The following RC3H1 variants were observed in gnomAD, a reference collection of about 807,000 sequenced individuals.
RC3H1 encodes the protein ring finger and CCCH-type domains 1.
A neutral mutation model predicts 138.2 loss-of-function variants in RC3H1; 50 were observed. The observed-to-expected ratio is 0.36, with a 90% CI of 0.29 to 0.46. The LOEUF (loss-of-function observed/expected upper bound fraction) is 0.46, where lower values mean the gene tolerates loss of function less well. Among genes scored for constraint, RC3H1 ranks in the 20% least tolerant of loss-of-function variants. RC3H1 has a pLI of 1.00. For synonymous variants in RC3H1, 462 were observed against 489.1 expected, an observed-to-expected ratio of 0.94 and a Z score of 0.73; for missense variants, 1,031 against 1,388.1, an observed-to-expected ratio of 0.74 and a Z score of 4.09.
In RC3H1 at chr1:173,957,652, C is replaced by T. The variant is rs532741796; in HGVS notation, c.2370+3425G>A. On this transcript the variant is annotated intron_variant, in intron 13 of 19. Transcript: ENST00000367696. ...ATAGCACGGACCTCCCAGGTTCAAG[C>T]GATCCTCTCGATCTTCCCACCTCAG... 3.9e-5 allele frequency among the ~76,000 whole-genome samples: 6 copies of T among 152,084 alleles called. No individual in the cohort carries two copies. In the East Asian group the frequency reaches 5.8e-4, roughly 15 times the overall value.
intron 2 of RC3H1, among the ~76,000 whole-genome samples, chr1:173,987,489 GTGTGTTTTGAATACTTCTCTATA>G (rs1661077518): frequency 6.6e-6 from 1 of 152,142 alleles, no homozygotes; most frequent in South Asian, 2.1e-4. Flanking sequence ...ATGTGTCTGT[GTGTGTTTTGAATACTTCTCTATA>G]CTTTCCAGTG....
rs1226846577 is a variant in RC3H1, at chr1:173,935,041, C to T, written c.*3680G>A. On this transcript the variant is annotated 3_prime_UTR_variant, in exon 20 of 20. Coordinates refer to ENST00000367696, the MANE Select transcript of RC3H1 (RefSeq NM_172071.4). ...GCTGTACCAAACAATTTTTTAAATA[C>T]ATTCTGAGTAGTTGAATATTTGTAG... 6.6e-6 allele frequency: 1 copy of T among 152,164 alleles called. No individual in the cohort carries two copies. The highest frequency in any genetic ancestry group is 2.4e-5 in the African/African-American group (1 of 41,458). 9.4% of individuals were successfully genotyped at this position (152,164 alleles called of 1,614,324 possible). A position where few individuals can be genotyped will look rare whatever the true frequency, so the allele number is the denominator to read the frequency against.
At chr1:174,015,699 C>T (rs1661850303) in intron 1 of RC3H1, among the ~76,000 whole-genome samples, 2 of 149,362 alleles carry the variant, frequency 1.3e-5, no homozygotes, top group South Asian at 2.2e-4. Flanking sequence ...TGTTTTAATA[C>T]AGATGGGGTC....
Position 173,963,973 on chromosome 1 carries a change from C to A in RC3H1, c.1831G>T (p.Gly611Cys), listed in dbSNP as rs1269019599. 1 of 1,612,934 alleles carries A rather than the reference C, an allele frequency of 6.2e-7. No homozygotes were observed. Among genetic ancestry groups the A allele is most frequent in the South Asian group, 1.1e-5 (1 of 91,004 alleles). Residue 611 changes from glycine (G) to cysteine (C), a missense_variant and splice_region_variant, in exon 11 of 20, where the codon GGT (glycine) becomes TGT (cysteine). This residue lies in a region of RC3H1 where 716 missense variants were observed against 837.9 expected (regional missense o/e 0.85). Transcript: ENST00000367696. ...AGCAATATAAATTTAAAATCGTTAC[C>A]CTGCTGATAAGGTGCTGGTTCAAAT... The part of the protein sequence containing the change: ...PPFEPAPYQQ[G>C]MYYTPPPQCV...
chr1:173,977,825 A>G (rs1419433345), intron 7 of RC3H1, among the ~76,000 whole-genome samples: 2 of 152,226 alleles, frequency 1.3e-5, no homozygotes, highest in African/African-American at 4.8e-5. Context: ...AAAGATATCA[A>G]AAAAGTGCTC....
intron 1 of RC3H1, among the ~76,000 whole-genome samples, chr1:173,993,772 C>A (rs1028605263): frequency 6.6e-6 from 1 of 151,006 alleles, no homozygotes; most frequent in African/African-American, 2.4e-5. Flanking sequence ...GTAATCCCAG[C>A]AATTTGGGAG....
chr1:173,987,362 C>T (rs1015290412), intron 2 of RC3H1, among the ~76,000 whole-genome samples: 1 of 151,790 alleles, frequency 6.6e-6, no homozygotes, highest in Non-Finnish European at 1.5e-5. Flanking sequence ...TTATCTTATA[C>T]CTGGGTTATG....
At position 173,946,605 on chromosome 1, in the gene RC3H1, C is replaced by A. The variant is rs745592984; in HGVS notation, c.2832G>T (p.Glu944Asp). 6.2e-7 allele frequency: 1 copy of A among 1,613,680 alleles called. No homozygotes were observed. The highest frequency in any genetic ancestry group is 8.5e-7 in the Non-Finnish European group (1 of 1,179,868). ...IPSQGHFSER[E>D]RISMSEVASH... ...TGGCCACTTCTGACATAGATATTCT[C>A]TCCCTTTGGTTAGAAAGAAAGTGTG... The change falls in exon 17 of 20, where the codon GAG (glutamate) becomes GAT (aspartate). Residue 944 changes from glutamate to aspartate, a missense_variant. Physicochemically the swap from Glu to Asp is conservative, Grantham distance 45. This residue lies in a region of RC3H1 where 716 missense variants were observed against 837.9 expected (regional missense o/e 0.85). Transcript: ENST00000367696.
At chr1:173,954,422 G>A (rs953304477) in intron 13 of RC3H1, among the ~76,000 whole-genome samples, 21 of 152,060 alleles carry the variant, frequency 1.4e-4, no homozygotes, top group Non-Finnish European at 3.1e-4. Flanking sequence ...ACTAGAAAGG[G>A]AATGGGGGGA....
chr1:173,997,499 G>C (rs891661373), intron 1 of RC3H1, among the ~76,000 whole-genome samples: 2 of 152,096 alleles, frequency 1.3e-5, no homozygotes, highest in African/African-American at 2.4e-5. Context: ...AAAATAGTTT[G>C]TAACTTATCC....
chr1:173,986,874 C>T (rs1202139191), intron 2 of RC3H1, among the ~76,000 whole-genome samples: 1 of 152,144 alleles, frequency 6.6e-6, no homozygotes, highest in Non-Finnish European at 1.5e-5. Flanking sequence ...TTCAATATCT[C>T]TTTAAGCTCC....
At chr1:173,963,917 A>G (rs1332774196) in intron 11 of RC3H1, 56 bp downstream of exon 11, 11 of 1,404,378 alleles carry the variant, frequency 7.8e-6, no homozygotes, top group Admixed American at 1.8e-5. Context: ...TCTGACCTGA[A>G]GAACAGTTCT....
intron 1 of RC3H1, among the ~76,000 whole-genome samples, chr1:174,000,632 T>A (rs1661546351): frequency 6.6e-6 from 1 of 152,242 alleles, no homozygotes; most frequent in Non-Finnish European, 1.5e-5. Context: ...CCCGATGAGA[T>A]GAGATTTTAA....
At chr1:174,008,766 C>A (rs1457950609) in intron 1 of RC3H1, among the ~76,000 whole-genome samples, 1 of 152,106 alleles carries the variant, frequency 6.6e-6, no homozygotes, top group East Asian at 1.9e-4. Context: ...CACCTGAGGT[C>A]AGGAGTTTGA....
chr1:174,005,313 C>T (rs2103077749), intron 1 of RC3H1, among the ~76,000 whole-genome samples: 1 of 152,266 alleles, frequency 6.6e-6, no homozygotes, highest in Middle Eastern at 3.4e-3. Flanking sequence ...AGCAGAACTA[C>T]CAAACTAAAC....
rs958894996 is a variant in RC3H1, at chr1:173,935,126, AC to A, written c.*3594del. On this transcript the variant is annotated 3_prime_UTR_variant, in exon 20 of 20. Coordinates refer to ENST00000367696, the MANE Select transcript of RC3H1 (RefSeq NM_172071.4). Reference sequence around the variant, plus strand: ...AATACTACTACTAGAAATCTAGCTAACTCTTCTTTTAATTAGAAAAGTAATA... The same window carrying A: ...AATACTACTACTAGAAATCTAGCTAATCTTCTTTTAATTAGAAAAGTAATA... The A allele has an allele frequency of 2.2e-4, 34 of 152,118 alleles. No homozygotes were observed. The highest frequency in any genetic ancestry group is 8.0e-4 in the African/African-American group (33 of 41,428). 9.4% of individuals were successfully genotyped at this position (152,118 alleles called of 1,614,324 possible).
chr1:174,010,754 C>A (rs920854934), intron 1 of RC3H1, among the ~76,000 whole-genome samples: 4 of 152,124 alleles, frequency 2.6e-5, no homozygotes, highest in African/African-American at 9.7e-5. Flanking sequence ...CCTCTACCTT[C>A]CTCACAGCTG....
chr1:173,981,089 A>T, intron 5 of RC3H1, 80 bp from the exon 6 acceptor site: 2 of 1,215,472 alleles, frequency 1.6e-6, no homozygotes, highest in Non-Finnish European at 2.3e-6. Flanking sequence ...TTTTAATGTA[A>T]CAAATTTAGC....
intron 1 of RC3H1, among the ~76,000 whole-genome samples, chr1:174,017,802 A>AAAAAAAAAAAAAAAAAAAAAAC (rs1661889250): frequency 6.7e-6 from 1 of 148,548 alleles, no homozygotes; most frequent in African/African-American, 2.6e-5. Flanking sequence ...AAAAAAAAAA[A>AAAAAAAAAAAAAAAAAAAAAAC]AAAAAAAACT....
Sources: allele counts gnomAD v4.1 joint callset (sites outside exome capture counted in the v4.1 genomes callset), GRCh38; gene constraint gnomAD v4.1.1; regional missense constraint gnomAD v4.1.1; transcripts MANE v1.5; gene names NCBI Gene and HGNC (gene_info 2026-07-23, HGNC 2026-07-21).